Variants in CDIN1 observed in about 807,000 individuals in gnomAD.
CDIN1 encodes the protein CDAN1-interacting nuclease 1.
In CDIN1, 33 loss-of-function variants were observed where a neutral mutation model predicts 45.3. The ratio of observed to expected loss-of-function variants is 0.73; its 90% CI spans 0.55 to 0.97. The LOEUF (loss-of-function observed/expected upper bound fraction) is 0.97, where lower values mean the gene tolerates loss of function less well. CDIN1 is among the 50% of genes least tolerant of loss of function. CDIN1 has a pLI of 0.00. For synonymous variants in CDIN1, 118 were observed against 124.4 expected (o/e 0.95, Z 0.34); for missense variants, 303 against 339.4 (o/e 0.89, Z 0.84).
intron 5 of CDIN1, among the ~76,000 whole-genome samples, chr15:36,671,057 T>A (rs1287467164): frequency 6.6e-6 from 1 of 152,182 alleles, no homozygotes; most frequent in African/African-American, 2.4e-5. Flanking sequence ...TGTCTCTAGT[T>A]GTATCTGAAA....
intron 1 of CDIN1, among the ~76,000 whole-genome samples, chr15:36,612,488 A>G (rs1242393779): frequency 1.3e-5 from 2 of 152,214 alleles, no homozygotes; most frequent in African/African-American, 4.8e-5. Context: ...TATTAGAGAT[A>G]GATGGGCTGG....
intron 4 of CDIN1, 33 bp downstream of exon 4, chr15:36,654,191 G>A: frequency 2.0e-6 from 3 of 1,518,164 alleles, no homozygotes; most frequent in Non-Finnish European, 2.7e-6. Context: ...ATTTAAACCT[G>A]CGTGTAACCT....
chr15:36,689,964 A>G (rs2042184324), intron 5 of CDIN1, among the ~76,000 whole-genome samples: 1 of 152,206 alleles, frequency 6.6e-6, no homozygotes, highest in African/African-American at 2.4e-5. Flanking sequence ...ACAGATAGCA[A>G]TGGGCATTAA....
At chr15:36,616,718 G>A (rs922385461) in intron 1 of CDIN1, among the ~76,000 whole-genome samples, 3 of 151,796 alleles carry the variant, frequency 2.0e-5, no homozygotes, top group African/African-American at 4.8e-5. Context: ...TTCGAGACCA[G>A]CCTGACCAAT....
At chr15:36,633,390 T>A (rs2039760961) in intron 1 of CDIN1, among the ~76,000 whole-genome samples, 1 of 152,202 alleles carries the variant, frequency 6.6e-6, no homozygotes, top group African/African-American at 2.4e-5. Context: ...CTTATCAGTC[T>A]CATATTTCTT....
At chr15:36,703,236 G>GATATATATAT (rs1301984098) in intron 8 of CDIN1, among the ~76,000 whole-genome samples, 3 of 47,910 alleles carry the variant, frequency 6.3e-5, no homozygotes, top group African/African-American at 1.1e-4. Context: ...ATATATATCA[G>GATATATATAT]ATATATATAT....
At chr15:36,637,777 C>T (rs963950376) in intron 1 of CDIN1, among the ~76,000 whole-genome samples, 5 of 152,176 alleles carry the variant, frequency 3.3e-5, no homozygotes, top group Non-Finnish European at 7.3e-5. Flanking sequence ...ATTAACATGG[C>T]TAACTCTCAC....
chr15:36,732,753 A>T (rs1424938988), intron 10 of CDIN1, among the ~76,000 whole-genome samples: 1 of 152,110 alleles, frequency 6.6e-6, no homozygotes, highest in African/African-American at 2.4e-5. Context: ...CAGGGGAATT[A>T]TCTAAAAGTA....
At chr15:36,583,542 G>T (rs1018521488) in intron 1 of CDIN1, among the ~76,000 whole-genome samples, 4 of 152,030 alleles carry the variant, frequency 2.6e-5, no homozygotes, top group African/African-American at 7.2e-5. Flanking sequence ...TTCTATTTTC[G>T]TTTCTACAGT....
chr15:36,790,290 A>G (rs1370250947), intron 10 of CDIN1: 4 of 152,210 alleles, frequency 2.6e-5, no homozygotes, highest in African/African-American at 7.2e-5. Flanking sequence ...CTAAACTCTA[A>G]ATGCACCTTT....
At chr15:36,769,908 G>A (rs1030491699) in intron 10 of CDIN1, among the ~76,000 whole-genome samples, 1 of 152,114 alleles carries the variant, frequency 6.6e-6, no homozygotes, top group African/African-American at 2.4e-5. Context: ...GGTACCCACC[G>A]GCAATTTTAA....
intron 1 of CDIN1, among the ~76,000 whole-genome samples, chr15:36,580,209 G>A (rs994632560): frequency 1.3e-5 from 2 of 152,258 alleles, no homozygotes; most frequent in African/African-American, 2.4e-5. Flanking sequence ...AGATATTTAT[G>A]GAAAACGTGG....
At chr15:36,641,682 A>G (rs7163933) in intron 1 of CDIN1, among the ~76,000 whole-genome samples, 145,347 of 152,350 alleles carry the variant, frequency 0.95, 69,340 homozygotes, top group East Asian at 1. Context: ...TTCATTCTGT[A>G]TAAAAAAAAT....
intron 5 of CDIN1, among the ~76,000 whole-genome samples, chr15:36,660,852 A>G (rs137975129): frequency 3.9e-4 from 59 of 152,306 alleles, no homozygotes; most frequent in African/African-American, 1.2e-3. Context: ...TTATTACTAC[A>G]TAAAGCTGGT....
At chr15:36,791,725 A>G (rs971997569) in intron 10 of CDIN1, among the ~76,000 whole-genome samples, 5 of 152,096 alleles carry the variant, frequency 3.3e-5, no homozygotes, top group African/African-American at 1.2e-4. Context: ...TGTTTCCTTC[A>G]ACAAGTGTTT....
At chr15:36,722,822 A>G (rs1267567615) in intron 10 of CDIN1, among the ~76,000 whole-genome samples, 1 of 152,196 alleles carries the variant, frequency 6.6e-6, no homozygotes, top group Admixed American at 6.5e-5. Flanking sequence ...AGAAATCTTC[A>G]TGGATACGTA....
intron 10 of CDIN1, among the ~76,000 whole-genome samples, chr15:36,769,907 C>G (rs546010199): frequency 3.9e-5 from 6 of 152,128 alleles, no homozygotes; most frequent in African/African-American, 1.2e-4. Context: ...GGGTACCCAC[C>G]GGCAATTTTA....
At chr15:36,625,273 CCT>C (rs1040194543) in intron 1 of CDIN1, among the ~76,000 whole-genome samples, 1 of 150,680 alleles carries the variant, frequency 6.6e-6, no homozygotes, top group African/African-American at 2.4e-5. Context: ...AGAGCGAGAC[CCT>C]GTCTCAAAAA....
rs998658128 is a variant in CDIN1, at chr15:36,604,431, A to ACG, written c.101+24471_101+24472insGC. Among the ~76,000 whole-genome samples the ACG allele has an allele frequency of 1.5e-4, 22 of 151,036 alleles. No homozygotes were observed. In the South Asian group the frequency reaches 2.5e-3, roughly 17 times the overall value. ...ACTTTTAAAAGGTACACACACACAC[A>ACG]CACACACACACACACACACACACAC... On this transcript the variant is annotated intron_variant, in intron 1 of 10. Coordinates refer to ENST00000566621, the MANE Select transcript of CDIN1 (RefSeq NM_001321759.2).
Sources: allele counts gnomAD v4.1 joint callset (sites outside exome capture counted in the v4.1 genomes callset), GRCh38; gene constraint gnomAD v4.1.1; transcripts MANE v1.5; gene names NCBI Gene and HGNC (gene_info 2026-07-23, HGNC 2026-07-21).